The following CCDC102B variants were observed in gnomAD, a reference collection of about 807,000 sequenced individuals.
CCDC102B encodes the protein coiled-coil domain containing 102B, also known as coiled-coil domain-containing protein 102B.
A neutral mutation model predicts 57.4 loss-of-function variants in CCDC102B; 75 were observed. The observed-to-expected ratio is 1.31, with a 90% confidence interval of 1.08 to 1.58. The LOEUF is 1.58. Ranked by LOEUF, CCDC102B falls within the 40% of genes most tolerant of loss-of-function variation. The pLI is 0.00. For missense variants in CCDC102B, 636 were observed against 582.6 expected (o/e 1.09, Z -0.94); for synonymous variants, 206 against 201.9 (o/e 1.02, Z -0.17).
chr18:68,721,731 C>G (rs916854343), intron 2 of CCDC102B, among the ~76,000 whole-genome samples: 9 of 152,252 alleles, frequency 5.9e-5, no homozygotes, highest in African/African-American at 1.9e-4. Context: ...CTGTTGCAAT[C>G]TGGAAATGAT....
At chr18:68,840,937 T>C (rs1057285347) in intron 3 of CCDC102B, among the ~76,000 whole-genome samples, 1 of 152,192 alleles carries the variant, frequency 6.6e-6, no homozygotes, top group African/African-American at 2.4e-5. Flanking sequence ...CTATAATCCA[T>C]AGACAGGCCA....
intron 2 of CCDC102B, among the ~76,000 whole-genome samples, chr18:68,731,418 C>G (rs1471421529): frequency 6.6e-6 from 1 of 152,048 alleles, no homozygotes; most frequent in Non-Finnish European, 1.5e-5. Flanking sequence ...TATATGAAAA[C>G]TTGCACACTC....
chr18:68,718,690 A>G (rs1156424031), intron 2 of CCDC102B, among the ~76,000 whole-genome samples: 3 of 152,236 alleles, frequency 2.0e-5, no homozygotes, highest in African/African-American at 7.2e-5. Context: ...AGTGCTTCTC[A>G]AATTTTAAGC....
chr18:68,922,275 T>C (rs922684820), intron 6 of CCDC102B, among the ~76,000 whole-genome samples: 1 of 152,196 alleles, frequency 6.6e-6, no homozygotes, highest in Non-Finnish European at 1.5e-5. Context: ...AGATGTAGAT[T>C]ATGGGTTGTT....
chr18:68,776,581 G>T (rs140786603), intron 2 of CCDC102B, among the ~76,000 whole-genome samples: 200 of 152,196 alleles, frequency 1.3e-3, no homozygotes, highest in Non-Finnish European at 2.4e-3. Context: ...ACAAAATCTC[G>T]CATGTTCTCA....
At chr18:68,754,342 A>G (rs1390759297) in intron 2 of CCDC102B, 1 of 152,208 alleles carries the variant, frequency 6.6e-6, no homozygotes. Flanking sequence ...AAAGAACTAG[A>G]GGAATTGCTG....
chr18:68,908,223 G>A (rs1480570206), intron 6 of CCDC102B: 2 of 152,120 alleles, frequency 1.3e-5, no homozygotes, highest in African/African-American at 2.4e-5. Context: ...TATTCATAAA[G>A]GATATTGGTG....
chr18:69,004,396 A>G (rs963135409), intron 6 of CCDC102B, among the ~76,000 whole-genome samples: 6 of 152,172 alleles, frequency 3.9e-5, no homozygotes, highest in Non-Finnish European at 4.4e-5. Flanking sequence ...AAGTTGGGCT[A>G]GGAACAAGTC....
intron 2 of CCDC102B, among the ~76,000 whole-genome samples, chr18:68,767,550 A>T (rs1250606570): frequency 6.6e-6 from 1 of 152,216 alleles, no homozygotes; most frequent in Admixed American, 6.5e-5. Context: ...AAGCTGATGA[A>T]AACGCTTGTA....
intron 2 of CCDC102B, among the ~76,000 whole-genome samples, chr18:68,752,575 T>C (rs992493617): frequency 2.6e-5 from 4 of 152,104 alleles, no homozygotes; most frequent in African/African-American, 9.6e-5. Context: ...CTTCGTCCAA[T>C]AGGTAAACTC....
chr18:68,839,728 G>T (rs1599546987), intron 3 of CCDC102B, among the ~76,000 whole-genome samples: 2 of 152,096 alleles, frequency 1.3e-5, no homozygotes, highest in East Asian at 3.9e-4. Flanking sequence ...CACCTGCACT[G>T]GGGCTATTTA....
At chr18:68,978,829 A>T (rs751898694) in intron 6 of CCDC102B, among the ~76,000 whole-genome samples, 9 of 152,096 alleles carry the variant, frequency 5.9e-5, no homozygotes, top group Non-Finnish European at 1.0e-4. Flanking sequence ...TTGAAACAGC[A>T]TAAACATTTA....
At chr18:68,787,505 A>C (rs1308507308) in intron 2 of CCDC102B, among the ~76,000 whole-genome samples, 2 of 150,798 alleles carry the variant, frequency 1.3e-5, no homozygotes, top group South Asian at 2.1e-4. Flanking sequence ...ACAATTTCAG[A>C]TCCTGTTATT....
chr18:68,761,735 A>G (rs1424456798), intron 2 of CCDC102B, among the ~76,000 whole-genome samples: 1 of 152,100 alleles, frequency 6.6e-6, no homozygotes, highest in African/African-American at 2.4e-5. Context: ...TAAAAGTTTA[A>G]CCCTTATAGC....
At chr18:68,896,785 TAG>T (rs540967681) in intron 5 of CCDC102B, among the ~76,000 whole-genome samples, 54 of 152,018 alleles carry the variant, frequency 3.6e-4, no homozygotes, top group African/African-American at 1.2e-3. Context: ...GAGATAGAGA[TAG>T]AGAGATCCAT....
intron 6 of CCDC102B, among the ~76,000 whole-genome samples, chr18:68,934,734 T>TC (rs1288561583): frequency 6.6e-6 from 1 of 152,040 alleles, no homozygotes; most frequent in Non-Finnish European, 1.5e-5. Context: ...GACTTTTTTT[T>TC]CAGCAAATAC....
chr18:69,041,285 CT>C (rs899530766), intron 7 of CCDC102B, among the ~76,000 whole-genome samples: 2 of 152,010 alleles, frequency 1.3e-5, no homozygotes, highest in African/African-American at 4.8e-5. Context: ...TTTCATAATT[CT>C]TTATCAAGTT....
intron 4 of CCDC102B, among the ~76,000 whole-genome samples, chr18:68,849,427 G>A (rs1421227608): frequency 3.3e-5 from 5 of 151,844 alleles, no homozygotes; most frequent in Non-Finnish European, 7.4e-5. Flanking sequence ...GTATCTTATC[G>A]ACTCTGCCTC....
chr18:69,053,501 T>C (rs1316173585), intron 7 of CCDC102B, among the ~76,000 whole-genome samples: 2 of 151,862 alleles, frequency 1.3e-5, no homozygotes, highest in Non-Finnish European at 2.9e-5. Flanking sequence ...GTCAAATATT[T>C]CAGAGATCAT....
Sources: allele counts gnomAD v4.1 joint callset (sites outside exome capture counted in the v4.1 genomes callset), GRCh38; gene constraint gnomAD v4.1.1; transcripts MANE v1.5; gene names NCBI Gene and HGNC (gene_info 2026-07-23, HGNC 2026-07-21).